Variants in CWC27 observed in about 807,000 individuals in gnomAD.
CWC27 encodes spliceosome-associated protein CWC27 homolog.
Under a neutral mutation model 63.6 loss-of-function variants are expected in CWC27, and 47 were observed. The observed-to-expected ratio is 0.74, with a 90% CI of 0.58 to 0.94. CWC27 has a LOEUF of 0.94. Among genes scored for constraint, CWC27 ranks in the 40% least tolerant of loss-of-function variants. The probability of loss-of-function intolerance (pLI) is 0.00; values close to 1 mark genes in which losing one functional copy is unlikely to be tolerated. For synonymous variants in CWC27, 175 were observed against 179.8 expected (o/e 0.97, Z 0.22); for missense variants, 495 against 554.3 (o/e 0.89, Z 1.07).
chr5:65,016,997 G>A (rs1052153316), intron 13 of CWC27, among the ~76,000 whole-genome samples: 1 of 152,156 alleles, frequency 6.6e-6, no homozygotes, highest in African/African-American at 2.4e-5. Context: ...ATAACTGGTA[G>A]GAAAAGACTT....
At chr5:64,911,815 C>T (rs559148279) in intron 11 of CWC27, among the ~76,000 whole-genome samples, 64 of 152,146 alleles carry the variant, frequency 4.2e-4, no homozygotes, top group African/African-American at 1.4e-3. Flanking sequence ...TGGCTCAAGC[C>T]TGTAATCCCA....
At chr5:64,971,389 A>G (rs982372552) in intron 11 of CWC27, among the ~76,000 whole-genome samples, 3 of 152,228 alleles carry the variant, frequency 2.0e-5, no homozygotes, top group African/African-American at 7.2e-5. Context: ...GAATTTTAGG[A>G]AAACCTTAAT....
At chr5:64,867,169 C>T (rs1746549820) in intron 10 of CWC27, among the ~76,000 whole-genome samples, 1 of 152,062 alleles carries the variant, frequency 6.6e-6, no homozygotes, top group South Asian at 2.1e-4. Context: ...AAAGCAACCT[C>T]AGGAAGTTTT....
chr5:64,964,482 C>A (rs1748977421), intron 11 of CWC27, among the ~76,000 whole-genome samples: 1 of 151,990 alleles, frequency 6.6e-6, no homozygotes, highest in African/African-American at 2.4e-5. Context: ...ACAGTCTGTC[C>A]CTTTTATTTC....
intron 10 of CWC27, among the ~76,000 whole-genome samples, chr5:64,866,088 C>T (rs892289715): frequency 1.3e-5 from 2 of 152,000 alleles, no homozygotes; most frequent in African/African-American, 4.8e-5. Flanking sequence ...ACCCGTCTGT[C>T]AAGGAGATTT....
intron 10 of CWC27, among the ~76,000 whole-genome samples, chr5:64,844,666 C>A (rs1290870939): frequency 6.6e-6 from 1 of 152,214 alleles, no homozygotes; most frequent in African/African-American, 2.4e-5. Flanking sequence ...ATTAAATGGT[C>A]TAGACTGACT....
intron 10 of CWC27, among the ~76,000 whole-genome samples, chr5:64,825,970 C>T (rs1027878562): frequency 1.3e-5 from 2 of 152,232 alleles, no homozygotes; most frequent in African/African-American, 4.8e-5. Context: ...AGCTTCAGTT[C>T]ATGCCCAAAA....
In CWC27 at chr5:64,819,417, TCTC is replaced by T. The variant is rs559778728; in HGVS notation, c.938+15035_938+15037del. The stretch of plus-strand genomic sequence containing the variant: ...TGGTTTGGCTATGTCCCCACCCAAA[TCTC>T]CTCTTGAATTGTAGCTCCCTTAATT... On this transcript the variant is annotated intron_variant, in intron 10 of 13. Transcript: ENST00000381070. Among the ~76,000 whole-genome samples the T allele has an allele frequency of 2.3e-3, 344 of 152,144 alleles. 1 individual carries two copies. The highest frequency in any genetic ancestry group is 7.9e-3 in the African/African-American group (327 of 41,510).
chr5:64,849,350 T>G (rs1236659413), intron 10 of CWC27, among the ~76,000 whole-genome samples: 1 of 152,188 alleles, frequency 6.6e-6, no homozygotes, highest in Non-Finnish European at 1.5e-5. Context: ...TATCACATGT[T>G]CTTGTATTGG....
At chr5:64,924,764 G>A (rs574282625) in intron 11 of CWC27, among the ~76,000 whole-genome samples, 3 of 152,280 alleles carry the variant, frequency 2.0e-5, no homozygotes, top group Admixed American at 6.5e-5. Flanking sequence ...GGCTAATAGA[G>A]GGAACAGCAG....
chr5:64,900,414 A>G (rs1199619755), intron 11 of CWC27, among the ~76,000 whole-genome samples: 1 of 152,004 alleles, frequency 6.6e-6, no homozygotes, highest in Non-Finnish European at 1.5e-5. Context: ...GTTGTTTGTT[A>G]TTTACTATTG....
intron 7 of CWC27, among the ~76,000 whole-genome samples, chr5:64,796,522 A>G (rs905338516): frequency 6.6e-6 from 1 of 152,134 alleles, no homozygotes; most frequent in African/African-American, 2.4e-5. Context: ...GATGGGGCCC[A>G]CCCACATTAT....
chr5:64,780,367 G>A (rs1429662501), intron 2 of CWC27, among the ~76,000 whole-genome samples: 1 of 102,640 alleles, frequency 9.7e-6, no homozygotes. Context: ...ATGAACATTT[G>A]TGTGTATTTG....
intron 1 of CWC27, among the ~76,000 whole-genome samples, chr5:64,773,417 G>A (rs2112140213): frequency 6.6e-6 from 1 of 152,202 alleles, no homozygotes; most frequent in East Asian, 1.9e-4. Flanking sequence ...AATCTACACA[G>A]ACAGAAAGTA....
intron 13 of CWC27, among the ~76,000 whole-genome samples, chr5:64,979,656 C>A (rs1164978271): frequency 6.6e-6 from 1 of 152,146 alleles, no homozygotes; most frequent in Admixed American, 6.6e-5. Flanking sequence ...ACATGGTTCC[C>A]AGACTATTTT....
intron 11 of CWC27, among the ~76,000 whole-genome samples, chr5:64,905,200 C>CAAAAAAAAAAAAAAAAA (rs71608574): frequency 2.0e-4 from 11 of 55,558 alleles, no homozygotes; most frequent in African/African-American, 6.7e-4. Flanking sequence ...CACTACATCT[C>CAAAAAAAAAAAAAAAAA]AAAAAAAAAA....
At chr5:64,969,662 G>GA (rs920113978) in intron 11 of CWC27, among the ~76,000 whole-genome samples, 15 of 149,806 alleles carry the variant, frequency 1.0e-4, no homozygotes, top group Admixed American at 2.0e-4. Flanking sequence ...AATGAAATAA[G>GA]AAAAAAAAAT....
intron 11 of CWC27, among the ~76,000 whole-genome samples, chr5:64,965,031 G>A (rs1001298581): frequency 5.3e-5 from 8 of 152,196 alleles, no homozygotes; most frequent in Non-Finnish European, 1.2e-4. Context: ...GGAGGTTGCA[G>A]TGAGCCAAGA....
intron 11 of CWC27, among the ~76,000 whole-genome samples, chr5:64,885,833 T>C (rs1176898029): frequency 6.6e-6 from 1 of 151,826 alleles, no homozygotes; most frequent in Non-Finnish European, 1.5e-5. Flanking sequence ...GGATTGTAAC[T>C]ATTGTTCTTA....
Sources: allele counts gnomAD v4.1 joint callset (sites outside exome capture counted in the v4.1 genomes callset), GRCh38; gene constraint gnomAD v4.1.1; transcripts MANE v1.5; gene names NCBI Gene and HGNC (gene_info 2026-07-23, HGNC 2026-07-21).